Variants in MEIKIN observed in about 807,000 individuals in gnomAD.
MEIKIN encodes the protein meiosis-specific kinetochore protein.
At chr5:131,882,154 C>T (rs921989274) in intron 8 of MEIKIN, among the ~76,000 whole-genome samples, 2 of 152,176 alleles carry the variant, frequency 1.3e-5, no homozygotes, top group African/African-American at 4.8e-5. Flanking sequence ...AATCAGACCA[C>T]TGCTACCATC....
chr5:131,812,361 C>T (rs531716822), intron 12 of MEIKIN, among the ~76,000 whole-genome samples: 2 of 152,160 alleles, frequency 1.3e-5, no homozygotes, highest in Non-Finnish European at 1.5e-5. Flanking sequence ...AACACTGATG[C>T]TATTAATATT....
At chr5:131,862,640 C>T (rs1383245766) in intron 9 of MEIKIN, among the ~76,000 whole-genome samples, 1 of 152,138 alleles carries the variant, frequency 6.6e-6, no homozygotes, top group East Asian at 1.9e-4. Flanking sequence ...CCTCTAAGCA[C>T]TGCTTTTATG....
chr5:131,917,190 T>C (rs1287727786), intron 6 of MEIKIN, among the ~76,000 whole-genome samples: 2 of 152,224 alleles, frequency 1.3e-5, no homozygotes, highest in Non-Finnish European at 2.9e-5. Flanking sequence ...ATTATCTTAC[T>C]TGATTCTTAC....
intron 9 of MEIKIN, among the ~76,000 whole-genome samples, chr5:131,872,131 G>A (rs1750515295): frequency 6.6e-6 from 1 of 152,190 alleles, no homozygotes; most frequent in Non-Finnish European, 1.5e-5. Context: ...ACCAGCAACG[G>A]AACAAAGCTG....
At chr5:131,889,765 C>A (rs1427245050) in intron 8 of MEIKIN, among the ~76,000 whole-genome samples, 1 of 152,030 alleles carries the variant, frequency 6.6e-6, no homozygotes, top group Non-Finnish European at 1.5e-5. Flanking sequence ...AGGAGTAATG[C>A]GAGAGGGCAT....
chr5:131,940,382 T>C (rs181235294), intron 4 of MEIKIN, among the ~76,000 whole-genome samples: 175 of 152,336 alleles, frequency 1.1e-3, no homozygotes, highest in African/African-American at 4.1e-3. Context: ...ACTCCTCGGT[T>C]AAGTTTTAAT....
chr5:131,885,148 C>T (rs1750757829), intron 8 of MEIKIN, among the ~76,000 whole-genome samples: 1 of 152,136 alleles, frequency 6.6e-6, no homozygotes, highest in South Asian at 2.1e-4. Flanking sequence ...GGCTTCATCA[C>T]CTGTTGTTTG....
chr5:131,868,433 G>C (rs1750428073), intron 9 of MEIKIN, among the ~76,000 whole-genome samples: 1 of 152,134 alleles, frequency 6.6e-6, no homozygotes. Context: ...GACATATGAT[G>C]TTGAACAACT....
chr5:131,913,939 A>G (rs28377456), intron 7 of MEIKIN, among the ~76,000 whole-genome samples: 15,149 of 152,256 alleles, frequency 0.099, 1,753 homozygotes, highest in African/African-American at 0.28. Context: ...ACGTGGTAGT[A>G]TTGAGAGACA....
At chr5:131,944,616 T>C (rs987871720) in intron 3 of MEIKIN, 49 bp downstream of exon 3, 15 of 398,864 alleles carry the variant, frequency 3.8e-5, no homozygotes, top group African/African-American at 6.2e-5. Flanking sequence ...CAGGTACTGA[T>C]AGTCTCTACA....
chr5:131,819,452 CAG>C (rs761605746), intron 11 of MEIKIN, among the ~76,000 whole-genome samples: 12 of 87,622 alleles, frequency 1.4e-4, no homozygotes, highest in Non-Finnish European at 2.1e-5. Flanking sequence ...GGAGGAGGGA[CAG>C]GGGGAGGGAG....
intron 9 of MEIKIN, among the ~76,000 whole-genome samples, chr5:131,873,718 T>C (rs1261507414): frequency 2.0e-5 from 3 of 151,436 alleles, no homozygotes; most frequent in Middle Eastern, 6.8e-3. Flanking sequence ...ACCACACCTA[T>C]TCCAAAATTG....
rs1750657961 is a variant in MEIKIN, at chr5:131,878,905, TGTTA to T, written c.774+69_774+72del. On this transcript the variant is annotated intron_variant, in intron 9 of 12. Coordinates refer to ENST00000442687, the MANE Select transcript of MEIKIN (RefSeq NM_001303622.2). ...AAAAAAAAAAAAAGTAAATTTAAAC[TGTTA>T]GTTAAAAGTATATTCTTTATTAATG... The T allele has an allele frequency of 7.6e-6, 3 of 394,938 alleles. No individual in the cohort carries two copies. In the South Asian group the frequency reaches 3.9e-4, roughly 51 times the overall value. 24.5% of individuals were successfully genotyped at this position (394,938 alleles called of 1,614,324 possible).
At chr5:131,837,895 C>T (rs1749839165) in intron 11 of MEIKIN, among the ~76,000 whole-genome samples, 1 of 151,966 alleles carries the variant, frequency 6.6e-6, no homozygotes, top group South Asian at 2.1e-4. Flanking sequence ...TAATACTATA[C>T]TAAAGAGGAA....
At position 131,835,906 on chromosome 5, in the gene MEIKIN, T is replaced by C. The variant is rs557106487; in HGVS notation, c.975+15358A>G. ...CCATGCCCAGCCATGTCTGTCTTTT[T>C]TTAACTTTTAAGTTCAGGAGTACAG... On this transcript the variant is annotated intron_variant, in intron 11 of 12. Coordinates refer to ENST00000442687, the MANE Select transcript of MEIKIN (RefSeq NM_001303622.2). Among the ~76,000 whole-genome samples the C allele has an allele frequency of 1.3e-4, 20 of 152,264 alleles. No individual in the cohort carries two copies. In the South Asian group the frequency reaches 4.1e-3, roughly 32 times the overall value.
At chr5:131,839,223 T>C (rs550735311) in intron 11 of MEIKIN, among the ~76,000 whole-genome samples, 2 of 152,156 alleles carry the variant, frequency 1.3e-5, no homozygotes, top group Admixed American at 6.6e-5. Flanking sequence ...ATGATTGTTT[T>C]TTATGATTTC....
At chr5:131,814,987 C>T (rs141109370) in intron 12 of MEIKIN, among the ~76,000 whole-genome samples, 83 of 152,286 alleles carry the variant, frequency 5.5e-4, no homozygotes, top group African/African-American at 1.9e-3. Flanking sequence ...TAGTTGATTA[C>T]ATTGAACTAC....
At chr5:131,857,584 C>T (rs965299993) in intron 9 of MEIKIN, among the ~76,000 whole-genome samples, 4 of 152,162 alleles carry the variant, frequency 2.6e-5, no homozygotes, top group Non-Finnish European at 5.9e-5. Context: ...CAGGGTGCTT[C>T]CCAGGGGCCC....
chr5:131,857,645 C>T (rs773227978), intron 9 of MEIKIN, among the ~76,000 whole-genome samples: 4 of 152,182 alleles, frequency 2.6e-5, no homozygotes, highest in South Asian at 2.1e-4. Context: ...AGAGAGCTCC[C>T]GCTGACCAGC....
Sources: gnomAD v4.1 joint callset for allele counts (sites outside exome capture counted in the v4.1 genomes callset) on GRCh38, gnomAD v4.1.1 for gene constraint, MANE v1.5 for transcripts, NCBI Gene and HGNC (gene_info 2026-07-23, HGNC 2026-07-21) for gene names.